The following DPF3 variants were observed in gnomAD, a reference collection of about 807,000 sequenced individuals.
DPF3 encodes zinc finger protein DPF3.
DPF3 carries 18 observed loss-of-function variants against 56.8 expected under a neutral mutation model. That is an observed-to-expected ratio of 0.32 (90% CI 0.22 to 0.47). DPF3 has a LOEUF of 0.47. DPF3 is among the 20% of genes least tolerant of loss of function. DPF3 has a pLI of 1.00. For synonymous variants in DPF3, 188 were observed against 180.2 expected, an observed-to-expected ratio of 1.04 and a Z score of -0.35; for missense variants, 403 against 488.8, an observed-to-expected ratio of 0.82 and a Z score of 1.65.
Position 72,672,054 on chromosome 14 carries a change from CACACA to C in DPF3, c.871+2181_871+2185del, listed in dbSNP as rs530212981. 5.4e-3 allele frequency among the ~76,000 whole-genome samples: 651 copies of C among 120,152 alleles called. 5 individuals carry two copies. Among genetic ancestry groups the C allele is most frequent in the African/African-American group, 0.021 (624 of 29,618 alleles). 78.8% of individuals were successfully genotyped at this position (120,152 alleles called of 152,430 possible). A position where few individuals can be genotyped will look rare whatever the true frequency, so the allele number is the denominator to read the frequency against. ...CCACACACACACACACACACACACA[CACACA>C]GACACACACACACACACACACACAC... On this transcript the variant is annotated intron_variant, in intron 8 of 10. Transcript: ENST00000556509.
At chr14:72,715,058 C>T (rs1223725340) in intron 5 of DPF3, among the ~76,000 whole-genome samples, 1 of 152,172 alleles carries the variant, frequency 6.6e-6, no homozygotes, top group Non-Finnish European at 1.5e-5. Context: ...ACATCCAGGC[C>T]CAGTGCACGA....
intron 8 of DPF3, among the ~76,000 whole-genome samples, chr14:72,648,500 G>T (rs1207129842): frequency 6.6e-6 from 1 of 150,764 alleles, no homozygotes; most frequent in African/African-American, 2.4e-5. Context: ...GGCAGAGGTT[G>T]CAGTGAGCTG....
intron 3 of DPF3, among the ~76,000 whole-genome samples, chr14:72,743,326 C>T (rs918670063): frequency 6.6e-5 from 10 of 151,994 alleles, no homozygotes; most frequent in African/African-American, 2.2e-4. Flanking sequence ...GTGAGTGTGT[C>T]GGGCCTTCAA....
At position 72,617,460 on chromosome 14, in the gene DPF3, A is replaced by T. The variant is rs1399014240; in HGVS notation, c.*1837T>A. 1.3e-5 allele frequency among the ~76,000 whole-genome samples: 2 copies of T among 152,094 alleles called. No homozygotes were observed. Among genetic ancestry groups the T allele is most frequent in the Non-Finnish European group, 2.9e-5 (2 of 68,010 alleles). ...CTCCCTGGGCCTTCAGGATTCAGAC[A>T]AGCTCACCGACCAGCAGGCGGAAGG... is the stretch of plus-strand genomic sequence containing the variant. On this transcript the variant is annotated 3_prime_UTR_variant, in exon 11 of 11. Transcript: ENST00000556509.
chr14:72,737,055 G>A (rs534202865), intron 3 of DPF3, among the ~76,000 whole-genome samples: 3 of 151,794 alleles, frequency 2.0e-5, no homozygotes, highest in Non-Finnish European at 2.9e-5. Flanking sequence ...CTTCCAGCAC[G>A]ATCCATCACA....
At chr14:72,671,438 T>C (rs1886670598) in intron 8 of DPF3, 2 of 1,500,402 alleles carry the variant, frequency 1.3e-6, no homozygotes, top group Admixed American at 1.7e-5. Flanking sequence ...AATAGCAAGA[T>C]ATAAAACCAT....
rs1349517893 is a variant in DPF3, at chr14:72,771,827, T to C, written c.99A>G (p.Ala33=). ...GGAAGGGAAGACGCACGCTGCGCTC[T>C]GCACACAGCCGTGAGTTGTAACTCC... is the stretch of plus-strand genomic sequence containing the variant. ...HCRSYNSRLC[A]ERSVRLPFLD... The change falls in exon 2 of 11, where the codon GCA becomes GCG. Residue 33 remains alanine (A), a synonymous_variant. Transcript: ENST00000556509. 3.1e-6 allele frequency: 5 copies of C among 1,613,576 alleles called. No individual in the cohort carries two copies. The South Asian group carries it at 5.5e-5, about 18-fold the overall frequency.
chr14:72,735,940 T>C (rs1423255388), intron 3 of DPF3, among the ~76,000 whole-genome samples: 1 of 152,226 alleles, frequency 6.6e-6, no homozygotes, highest in East Asian at 1.9e-4. Context: ...TTTTATTCTA[T>C]TCAAAACTTA....
chr14:72,629,723 G>A lies in DPF3; in HGVS notation c.885C>T (p.Cys295=), dbSNP rs1169302493. ...ADCGRSGHPT[C]LQFTLNMTEA... Reference sequence around the variant, plus strand: ...CGGTCATGTTCAGGGTAAACTGCAGGCAGGTTGGGTGACCTGGAGGAAGCC... The same window carrying A: ...CGGTCATGTTCAGGGTAAACTGCAGACAGGTTGGGTGACCTGGAGGAAGCC... The change falls in exon 9 of 11, where the codon TGC becomes TGT. Residue 295 remains cysteine (C), a synonymous_variant. Transcript: ENST00000556509. 2 of 1,536,070 alleles carry A rather than the reference G, an allele frequency of 1.3e-6. No individual in the cohort carries two copies. Among genetic ancestry groups the A allele is most frequent in the Non-Finnish European group, 1.7e-6 (2 of 1,146,868 alleles).
intron 6 of DPF3, among the ~76,000 whole-genome samples, chr14:72,707,199 G>A (rs1247218735): frequency 1.3e-5 from 2 of 152,110 alleles, no homozygotes; most frequent in Non-Finnish European, 2.9e-5. Context: ...GTGTACATGT[G>A]CCACATTTTC....
chr14:72,706,252 C>T lies in DPF3; in HGVS notation c.604+8171G>A, dbSNP rs371825992. On this transcript the variant is annotated intron_variant, in intron 6 of 10. Transcript: ENST00000556509. ...GGGGCCAATATCAATTCCATCCATG[C>T]GCCCTAAGGGCCTTCTTGGCATCCC... Among the ~76,000 whole-genome samples the T allele has an allele frequency of 3.9e-4, 60 of 152,322 alleles. No individual in the cohort carries two copies. In the South Asian group the frequency reaches 6.4e-3, roughly 16 times the overall value.
chr14:72,889,102 A>T (rs1446014487), intron 1 of DPF3, among the ~76,000 whole-genome samples: 1 of 152,220 alleles, frequency 6.6e-6, no homozygotes, highest in Non-Finnish European at 1.5e-5. Flanking sequence ...TACCTGCATG[A>T]TTCCAAAAAG....
intron 1 of DPF3, among the ~76,000 whole-genome samples, chr14:72,776,872 G>T (rs938503665): frequency 2.6e-5 from 4 of 151,810 alleles, no homozygotes; most frequent in African/African-American, 9.7e-5. Flanking sequence ...GGGCGGGGGT[G>T]GGGGTGGGGG....
rs949086764 is a variant in DPF3 at position 72,866,501 on chromosome 14, G to C, written c.32+27556C>G. On this transcript the variant is annotated intron_variant, in intron 1 of 10. Transcript: ENST00000556509. ...CTCAGGTACCCGCCTCTGCTCCATC[G>C]ATACCAGCCATGGAGTCTTGGGCAA... Among the ~76,000 whole-genome samples, 10 of 150,564 alleles carry C rather than the reference G, an allele frequency of 6.6e-5. 1 individual carries two copies. The highest frequency in any genetic ancestry group is 1.3e-4 in the Non-Finnish European group (9 of 67,216).
At chr14:72,892,374 C>G (rs1288669247) in intron 1 of DPF3, 2 of 1,527,730 alleles carry the variant, frequency 1.3e-6, no homozygotes, top group South Asian at 2.4e-5. Context: ...CTGTGGCGTT[C>G]AAGCGCAGTG....
chr14:72,863,102 G>T (rs1225999950), intron 1 of DPF3, among the ~76,000 whole-genome samples: 1 of 131,620 alleles, frequency 7.6e-6, no homozygotes, highest in Admixed American at 8.1e-5. Flanking sequence ...ATATATATAT[G>T]TGTGTGTATA....
At chr14:72,799,968 C>T (rs1165385573) in intron 1 of DPF3, among the ~76,000 whole-genome samples, 5 of 152,168 alleles carry the variant, frequency 3.3e-5, no homozygotes, top group East Asian at 3.9e-4. Context: ...GATACACTCA[C>T]GAGCTGTTAG....
intron 3 of DPF3, among the ~76,000 whole-genome samples, chr14:72,743,600 CAAAAAAAAAAAAA>C (rs57448538): frequency 1.1e-4 from 15 of 141,756 alleles, no homozygotes; most frequent in Admixed American, 3.5e-4. Context: ...TTTCTTCATT[CAAAAAAAAAAAAA>C]AAAGGAAAAG....
intron 10 of DPF3, 59 bp from the exon 11 acceptor site, chr14:72,619,426 C>T: frequency 6.6e-7 from 1 of 1,510,230 alleles, no homozygotes; most frequent in Non-Finnish European, 8.9e-7. Context: ...AGCCCCACCC[C>T]ACTGGCCCTA....
Sources: allele counts gnomAD v4.1 joint callset (sites outside exome capture counted in the v4.1 genomes callset), GRCh38; gene constraint gnomAD v4.1.1; transcripts MANE v1.5; gene names NCBI Gene and HGNC (gene_info 2026-07-23, HGNC 2026-07-21).